Variants in FCHSD1 observed in about 807,000 individuals in gnomAD.
FCHSD1 encodes FCH and double SH3 domains 1, also known as F-BAR and double SH3 domains protein 1.
FCHSD1 carries 109 observed loss-of-function variants against 101.3 expected under a neutral mutation model. The observed-to-expected ratio is 1.08, with a 90% CI of 0.92 to 1.26. The LOEUF (loss-of-function observed/expected upper bound fraction) is 1.26, where lower values mean the gene tolerates loss of function less well. Ranked by LOEUF, FCHSD1 falls within the 50% of genes most tolerant of loss-of-function variation. The pLI, the probability that FCHSD1 is intolerant of heterozygous loss-of-function variation, is 0.00. For missense variants in FCHSD1, 820 were observed against 895.8 expected, an observed-to-expected ratio of 0.92 and a Z score of 1.08; for synonymous variants, 291 against 356.8, an observed-to-expected ratio of 0.82 and a Z score of 2.08.
rs534142306 is a variant in FCHSD1, at chr5:141,642,879, G to A, written c.1951+122C>T. 8 of 943,510 alleles carry A rather than the reference G, an allele frequency of 8.5e-6. 1 individual carries two copies. The highest frequency in any genetic ancestry group is 8.2e-5 in the South Asian group (5 of 60,820). 58.4% of individuals were successfully genotyped at this position (943,510 alleles called of 1,614,324 possible). ...CAGCCTGGCTCCAGAGCCCAGGCAA[G>A]TGCTCTCCACCAAGCAAGATGCCTG... On this transcript the variant is annotated intron_variant, in intron 18 of 19. Transcript: ENST00000435817.
chr5:141,640,112 A>G lies in FCHSD1; in HGVS notation c.*1386T>C. On this transcript the variant is annotated 3_prime_UTR_variant, in exon 20 of 20. Transcript: ENST00000435817. ...CTGAGAGGCCACAGCCCCAGGTCCT[A>G]GCCAGCCCCCCAGTACAGAATGGAG... The G allele has an allele frequency of 6.2e-7, 1 of 1,613,944 alleles. No homozygotes were observed. Among genetic ancestry groups the G allele is most frequent in the Middle Eastern group, 1.6e-4 (1 of 6,062 alleles).
Position 141,640,565 on chromosome 5 carries a change from AT to A in FCHSD1, c.*932del. The stretch of plus-strand genomic sequence containing the variant: ...ACTGCAGGCTTAGCCTTTGCTATAA[AT>A]CCCTTGGTTTGGTGGTGGAGGTAGG... On this transcript the variant is annotated 3_prime_UTR_variant, in exon 20 of 20. Transcript: ENST00000435817. 5.1e-6 allele frequency: 8 copies of A among 1,564,652 alleles called. No homozygotes were observed. The highest frequency in any genetic ancestry group is 6.9e-6 in the Non-Finnish European group (8 of 1,153,192).
intron 7 of FCHSD1, 129 bp from the exon 8 acceptor site, chr5:141,648,225 A>G (rs975145669): frequency 1.4e-5 from 16 of 1,171,990 alleles, no homozygotes; most frequent in Non-Finnish European, 1.9e-5. Flanking sequence ...GCACTACACT[A>G]AAAATGTTGC....
chr5:141,650,254 C>G lies in FCHSD1; in HGVS notation c.165+105G>C, dbSNP rs2099908203. The stretch of plus-strand genomic sequence containing the variant: ...GGATCTGACACCAGTCTGCTTGACT[C>G]TAGGCATCTGCTCTTGACCACAATA... On this transcript the variant is annotated intron_variant, in intron 3 of 19. Transcript: ENST00000435817. 5.5e-6 allele frequency: 8 copies of G among 1,442,426 alleles called. No individual in the cohort carries two copies. In the East Asian group the frequency reaches 1.8e-4, roughly 33 times the overall value. 89.4% of individuals were successfully genotyped at this position (1,442,426 alleles called of 1,614,324 possible).
chr5:141,640,267 C>A lies in FCHSD1; in HGVS notation c.*1231G>T. ...CCCACTCAAGAGGCAAATGGGCAGC[C>A]AAGCAAACCAGACACTTCTGATCAC... On this transcript the variant is annotated 3_prime_UTR_variant, in exon 20 of 20. Transcript: ENST00000435817. The A allele has an allele frequency of 6.2e-7, 1 of 1,613,940 alleles. No individual in the cohort carries two copies.
At chr5:141,650,585 T>C (rs1218090148) in intron 2 of FCHSD1, among the ~76,000 whole-genome samples, 181 bp from the exon 3 acceptor site, 1 of 151,914 alleles carries the variant, frequency 6.6e-6, no homozygotes, top group African/African-American at 2.4e-5. Context: ...CTCGGGCAGC[T>C]GCAACACAGG....
intron 18 of FCHSD1, 157 bp from the exon 19 acceptor site, chr5:141,641,914 TA>T (rs2099906947): frequency 3.9e-6 from 3 of 764,416 alleles, no homozygotes; most frequent in Non-Finnish European, 4.3e-6. Flanking sequence ...CCTCAACATT[TA>T]TTGGGCAACT....
In FCHSD1 at chr5:141,650,335, A is replaced by G. The variant is rs201933906; in HGVS notation, c.165+24T>C. 282 of 1,613,752 alleles carry G rather than the reference A, an allele frequency of 1.7e-4. 2 individuals are homozygous for G. In the East Asian group the frequency reaches 6.1e-3, roughly 35 times the overall value. On this transcript the variant is annotated intron_variant, in intron 3 of 19. Coordinates refer to ENST00000435817, the MANE Select transcript of FCHSD1 (RefSeq NM_033449.3). ...TATAAGAGAGGCTGGAACAAGAGGT[A>G]AGGTCCAGAGAAAAGTCCCATACCT... is the stretch of plus-strand genomic sequence containing the variant.
rs2099906601 is a variant in FCHSD1, at chr5:141,639,714, C to T, written c.*1784G>A. The T allele has an allele frequency of 6.8e-7, 1 of 1,476,530 alleles. No homozygotes were observed. Among genetic ancestry groups the T allele is most frequent in the Non-Finnish European group, 9.2e-7 (1 of 1,086,206 alleles). The allele number at this position is 1,476,530 out of a possible 1,614,324, so 91.5% of individuals were successfully genotyped here. ...GGGCCCAGTGATCAGGCACCTGATC[C>T]CAAAAGTGGGCCTTGGCTCTTTCCT... is the stretch of plus-strand genomic sequence containing the variant. On this transcript the variant is annotated 3_prime_UTR_variant, in exon 20 of 20. Transcript: ENST00000435817. This position sits in a 1 kb window ranked among gnomAD's most constrained non-coding sequence, Gnocchi z 4.4.
intron 12 of FCHSD1, 28 bp downstream of exon 12, chr5:141,646,059 G>A: frequency 1.3e-6 from 2 of 1,588,576 alleles, no homozygotes; most frequent in African/African-American, 1.3e-5. Flanking sequence ...GAGAAGGTGG[G>A]ATCTCTAACC....
chr5:141,642,794 C>A, intron 18 of FCHSD1: 1 of 569,176 alleles, frequency 1.8e-6, no homozygotes, highest in Non-Finnish European at 3.1e-6. Flanking sequence ...AAACTGAGGC[C>A]AAGACAGGTT....
chr5:141,644,075 C>G lies in FCHSD1; in HGVS notation c.1863+143G>C, dbSNP rs2099907340. ...CCTTGGTTTCCCTTTTCCCTGCCCC[C>G]CCATAGGAGATGGGAGGCCCAGGCC... is the stretch of plus-strand genomic sequence containing the variant. On this transcript the variant is annotated intron_variant, in intron 17 of 19. Transcript: ENST00000435817. 8.8e-6 allele frequency: 7 copies of G among 794,540 alleles called. No homozygotes were observed. The South Asian group carries it at 1.3e-4, about 15-fold the overall frequency. 49.2% of individuals were successfully genotyped at this position (794,540 alleles called of 1,614,324 possible).
Position 141,649,242 on chromosome 5 carries a change from G to T in FCHSD1, c.442C>A (p.Arg148=). The T allele has an allele frequency of 1.2e-6, 2 of 1,613,970 alleles. No homozygotes were observed. The highest frequency in any genetic ancestry group is 1.7e-6 in the Non-Finnish European group (2 of 1,179,894). Residue 148 remains arginine, a synonymous_variant, in exon 6 of 20, where the codon CGG becomes AGG. Transcript: ENST00000435817. This position sits in a 1 kb window ranked among gnomAD's most constrained non-coding sequence, Gnocchi z 4.1. ...CGTTCCCGCTGCCCATACAGCTTCC[G>T]ACTTCGGCTCAGCTCCCGGACAGAC... ...LQSVRELSRS[R]KLYGQRERVW...
chr5:141,641,372 G>T lies in FCHSD1; in HGVS notation c.*126C>A, dbSNP rs1041381890. ...GGGAAGGGGCAAGTTTCCACCCTTG[G>T]AGGTGAGGGTGGAAATAAGGGCGAT... On this transcript the variant is annotated 3_prime_UTR_variant, in exon 20 of 20. Transcript: ENST00000435817. The T allele has an allele frequency of 2.4e-6, 2 of 835,166 alleles. No individual in the cohort carries two copies. The highest frequency in any genetic ancestry group is 3.7e-4 in the Middle Eastern group (1 of 2,672). 51.7% of individuals were successfully genotyped at this position (835,166 alleles called of 1,614,324 possible). A position where few individuals can be genotyped will look rare whatever the true frequency, so the allele number is the denominator to read the frequency against.
chr5:141,650,338 G>A, intron 3 of FCHSD1, 21 bp downstream of exon 3: 1 of 1,613,804 alleles, frequency 6.2e-7, no homozygotes. Context: ...AAGAGGTAAG[G>A]TCCAGAGAAA....
rs2099906744 is a variant in FCHSD1 at position 141,640,585 on chromosome 5, A to T, written c.*913T>A. 3.9e-6 allele frequency: 6 copies of T among 1,547,970 alleles called. No homozygotes were observed. Among genetic ancestry groups the T allele is most frequent in the Non-Finnish European group, 5.2e-6 (6 of 1,145,916 alleles). On this transcript the variant is annotated 3_prime_UTR_variant, in exon 20 of 20. Coordinates refer to ENST00000435817, the MANE Select transcript of FCHSD1 (RefSeq NM_033449.3). The stretch of plus-strand genomic sequence containing the variant: ...TATAAATCCCTTGGTTTGGTGGTGG[A>T]GGTAGGGAAGGTCCTGGAGCCCCAG...
intron 1 of FCHSD1, 23 bp downstream of exon 1, chr5:141,651,325 T>C: frequency 3.2e-6 from 5 of 1,551,286 alleles, no homozygotes; most frequent in Non-Finnish European, 4.4e-6. Context: ...CCGCCAGGAG[T>C]CCCCATTCAG....
rs761387475 is a variant in FCHSD1, at chr5:141,644,846, G to T, written c.1524+13C>A. On this transcript the variant is annotated intron_variant, in intron 15 of 19. Transcript: ENST00000435817. ...CCCCAACCCAAGGTCAGAGCCCGGG[G>T]TCCCATACCCACCTTGACCCATTCG... 4 of 1,612,854 alleles carry T rather than the reference G, an allele frequency of 2.5e-6. No homozygotes were observed. Among genetic ancestry groups the T allele is most frequent in the Non-Finnish European group, 3.4e-6 (4 of 1,179,568 alleles).
At chr5:141,647,644 A>C in intron 8 of FCHSD1, 124 bp from the exon 9 acceptor site, 1 of 1,448,138 alleles carries the variant, frequency 6.9e-7, no homozygotes, top group East Asian at 2.4e-5. Flanking sequence ...GACATTCTTC[A>C]TGAGAAAGGC....
Sources: allele counts gnomAD v4.1 joint callset (sites outside exome capture counted in the v4.1 genomes callset), GRCh38; gene constraint gnomAD v4.1.1; non-coding constraint Gnocchi (gnomAD v3.1); transcripts MANE v1.5; gene names NCBI Gene and HGNC (gene_info 2026-07-23, HGNC 2026-07-21).